The following SLC7A14 variants were observed in gnomAD, a reference collection of about 807,000 sequenced individuals.
SLC7A14 encodes gamma-aminobutyric acid transporter SLC7A14.
In SLC7A14, 37 loss-of-function variants were observed where a neutral mutation model predicts 60.2. That is an observed-to-expected ratio of 0.61 (90% CI 0.47 to 0.81). SLC7A14 has a LOEUF of 0.81. SLC7A14 is among the 30% of genes least tolerant of loss of function. The pLI is 0.00. For missense variants in SLC7A14, 886 were observed against 982.7 expected (o/e 0.90, Z 1.32); for synonymous variants, 399 against 395.8 (o/e 1.01, Z -0.10).
At chr3:170,567,907 AG>A (rs1448728636) in intron 1 of SLC7A14, among the ~76,000 whole-genome samples, 69 of 151,510 alleles carry the variant, frequency 4.6e-4, no homozygotes, top group Admixed American at 2.6e-3. Context: ...TCTGGATATT[AG>A]CCCTTTGTCA....
intron 2 of SLC7A14, among the ~76,000 whole-genome samples, chr3:170,525,406 G>C (rs1005815023): frequency 6.6e-6 from 1 of 152,228 alleles, no homozygotes; most frequent in Non-Finnish European, 1.5e-5. Flanking sequence ...GGGGAGACAA[G>C]GAGCTGCTAG....
At chr3:170,473,032 A>G (rs1313645188) in intron 7 of SLC7A14, among the ~76,000 whole-genome samples, 3 of 152,234 alleles carry the variant, frequency 2.0e-5, no homozygotes, top group Admixed American at 1.3e-4. Flanking sequence ...GTGATAAATC[A>G]GTAATTGAAA....
chr3:170,516,285 C>G (rs574073923), intron 2 of SLC7A14, among the ~76,000 whole-genome samples: 2 of 152,324 alleles, frequency 1.3e-5, no homozygotes, highest in Non-Finnish European at 2.9e-5. Flanking sequence ...GCTGAGCTTA[C>G]AAGTCATCTT....
chr3:170,559,733 C>T (rs550290299), intron 1 of SLC7A14, among the ~76,000 whole-genome samples: 8 of 152,296 alleles, frequency 5.3e-5, no homozygotes, highest in Admixed American at 5.2e-4. Flanking sequence ...CTCTCTCTTC[C>T]TTTCCCTCTT....
chr3:170,507,723 T>G (rs544712302), intron 2 of SLC7A14, among the ~76,000 whole-genome samples: 277 of 152,318 alleles, frequency 1.8e-3, no homozygotes, highest in Non-Finnish European at 3.5e-3. Flanking sequence ...TCTACTTGTA[T>G]AGTTTAAAGC....
intron 1 of SLC7A14, among the ~76,000 whole-genome samples, chr3:170,567,623 C>A (rs2108313429): frequency 6.7e-6 from 1 of 149,870 alleles, no homozygotes; most frequent in Non-Finnish European, 1.5e-5. Flanking sequence ...ACAGTCCCAC[C>A]AACAGTGTAA....
chr3:170,488,956 T>C (rs967574653), intron 4 of SLC7A14, among the ~76,000 whole-genome samples: 2 of 152,136 alleles, frequency 1.3e-5, no homozygotes, highest in Admixed American at 1.3e-4. Flanking sequence ...TTTGTTTTCA[T>C]CCAACGTTTT....
At chr3:170,577,801 A>G (rs1560286248) in intron 1 of SLC7A14, among the ~76,000 whole-genome samples, 1 of 152,192 alleles carries the variant, frequency 6.6e-6, no homozygotes, top group African/African-American at 2.4e-5. Flanking sequence ...GGTTAGATAT[A>G]CCATATTAAG....
At chr3:170,471,119 G>GTGTGTGTGTGTGTGTA (rs1197475580) in intron 7 of SLC7A14, among the ~76,000 whole-genome samples, 2 of 151,970 alleles carry the variant, frequency 1.3e-5, no homozygotes, top group African/African-American at 4.8e-5. Context: ...GTGTGTGTGT[G>GTGTGTGTGTGTGTGTA]TGAGTGATTA....
intron 7 of SLC7A14, among the ~76,000 whole-genome samples, chr3:170,478,509 A>G (rs771363252): frequency 4.6e-5 from 7 of 152,170 alleles, no homozygotes; most frequent in Non-Finnish European, 8.8e-5. Context: ...TGCTTACAGG[A>G]AGCCATAGAG....
At position 170,501,293 on chromosome 3, in the gene SLC7A14, G is replaced by C; in HGVS notation, c.357C>G (p.Ala119=). The C allele has an allele frequency of 6.2e-7, 1 of 1,614,176 alleles. No individual in the cohort carries two copies. The highest frequency in any genetic ancestry group is 1.7e-5 in the Admixed American group (1 of 60,032). Residue 119 remains alanine (A), a synonymous_variant, in exon 3 of 8, where the codon GCC becomes GCG. Transcript: ENST00000231706. ...CAACAGTGACATAGCTGTAGGTGTA[G>C]GCAGATCCTGTGGTCTTGGGGACTC... The part of the protein sequence containing the change: ...GVRVPKTTGS[A]YTYSYVTVGE...
Position 170,542,704 on chromosome 3 carries a change from T to A in SLC7A14, c.-152-15616A>T, listed in dbSNP as rs192215271. Among the ~76,000 whole-genome samples, 4 of 152,356 alleles carry A rather than the reference T, an allele frequency of 2.6e-5. No homozygotes were observed. The East Asian group carries it at 7.7e-4, about 29-fold the overall frequency. On this transcript the variant is annotated intron_variant, in intron 1 of 7. Coordinates refer to ENST00000231706, the MANE Select transcript of SLC7A14 (RefSeq NM_020949.3). ...TGTGTGTGCATGTCCACATGCAAGGTTGACGGTGACCTCATATCATTCTTT... is the reference window on the plus strand; with the variant it reads ...TGTGTGTGCATGTCCACATGCAAGGATGACGGTGACCTCATATCATTCTTT...
intron 1 of SLC7A14, among the ~76,000 whole-genome samples, chr3:170,571,578 T>C (rs753074155): frequency 7.9e-5 from 12 of 152,232 alleles, no homozygotes; most frequent in Non-Finnish European, 1.6e-4. Flanking sequence ...TCATATTGTT[T>C]TTATTTTAGC....
chr3:170,492,731 T>G (rs1712261227), intron 4 of SLC7A14, among the ~76,000 whole-genome samples: 1 of 152,158 alleles, frequency 6.6e-6, no homozygotes, highest in African/African-American at 2.4e-5. Context: ...CCCTAAAAAC[T>G]GGCCCCCTGC....
At chr3:170,495,965 G>C (rs1430489806) in intron 4 of SLC7A14, 1 of 1,265,406 alleles carries the variant, frequency 7.9e-7, no homozygotes, top group African/African-American at 1.5e-5. Flanking sequence ...TCAAGAACAA[G>C]TATGAGGATG....
chr3:170,581,672 AC>A (rs1715240054), intron 1 of SLC7A14, among the ~76,000 whole-genome samples: 1 of 152,302 alleles, frequency 6.6e-6, no homozygotes, highest in East Asian at 1.9e-4. Context: ...TGTACATTGT[AC>A]CATATCTATA....
intron 1 of SLC7A14, among the ~76,000 whole-genome samples, chr3:170,553,091 T>C (rs950132239): frequency 2.1e-4 from 32 of 151,058 alleles, no homozygotes; most frequent in African/African-American, 7.2e-4. Context: ...AAAGTGCCTT[T>C]TGGGGGGAGT....
At chr3:170,470,334 G>GTGTGTGTGTGTC (rs1320131182) in intron 7 of SLC7A14, among the ~76,000 whole-genome samples, 1 of 151,624 alleles carries the variant, frequency 6.6e-6, no homozygotes, top group Non-Finnish European at 1.5e-5. Context: ...GTGTGTGTGT[G>GTGTGTGTGTGTC]TGTGTATGTG....
intron 3 of SLC7A14, among the ~76,000 whole-genome samples, chr3:170,500,594 A>C (rs141431964): frequency 1.7e-3 from 255 of 152,118 alleles, no homozygotes; most frequent in African/African-American, 4.7e-3. Flanking sequence ...CATTTTATTC[A>C]TTAAATTTTT....
Sources: allele counts gnomAD v4.1 joint callset (sites outside exome capture counted in the v4.1 genomes callset), GRCh38; gene constraint gnomAD v4.1.1; transcripts MANE v1.5; gene names NCBI Gene and HGNC (gene_info 2026-07-23, HGNC 2026-07-21).